Variants in PELI1 observed in about 807,000 individuals in gnomAD.
PELI1 encodes E3 ubiquitin-protein ligase pellino homolog 1.
Under a neutral mutation model 41.3 loss-of-function variants are expected in PELI1, and 15 were observed. The ratio of observed to expected loss-of-function variants is 0.36; its 90% CI spans 0.24 to 0.56. The LOEUF (loss-of-function observed/expected upper bound fraction) is 0.56, where lower values mean the gene tolerates loss of function less well. PELI1 is among the 20% of genes least tolerant of loss of function. The pLI is 0.82. For synonymous variants in PELI1, 178 were observed against 180.1 expected (o/e 0.99, Z 0.09); for missense variants, 403 against 525.5 (o/e 0.77, Z 2.28).
At chr2:64,124,064 T>C (rs1310452576) in intron 1 of PELI1, among the ~76,000 whole-genome samples, 1 of 152,156 alleles carries the variant, frequency 6.6e-6, no homozygotes, top group East Asian at 1.9e-4. Flanking sequence ...TATGATTCCA[T>C]TTATATGAAA....
chr2:64,099,165 T>TACACAC (rs70965174), intron 4 of PELI1, among the ~76,000 whole-genome samples: 11,228 of 144,788 alleles, frequency 0.078, 491 homozygotes, highest in Non-Finnish European at 0.099. Flanking sequence ...ATCTTGGAGA[T>TACACAC]ACACACACAC....
intron 1 of PELI1, among the ~76,000 whole-genome samples, chr2:64,119,885 GCAACACTC>G (rs1487689573): frequency 6.6e-6 from 1 of 151,914 alleles, no homozygotes; most frequent in Non-Finnish European, 1.5e-5. Context: ...AATCTGTTAA[GCAACACTC>G]CATTTAAAAA....
intron 3 of PELI1, among the ~76,000 whole-genome samples, chr2:64,102,100 C>T (rs1177797722): frequency 1.3e-5 from 2 of 152,112 alleles, no homozygotes; most frequent in African/African-American, 2.4e-5. Flanking sequence ...GCTGGGATTA[C>T]AGGCGTGAGC....
chr2:64,102,397 T>C (rs1315907618), intron 3 of PELI1, among the ~76,000 whole-genome samples: 1 of 152,148 alleles, frequency 6.6e-6, no homozygotes, highest in Non-Finnish European at 1.5e-5. Context: ...GGTTTCGCTA[T>C]GTGGCAGAGG....
intron 1 of PELI1, among the ~76,000 whole-genome samples, chr2:64,126,912 C>G (rs564490201): frequency 2.4e-4 from 36 of 152,116 alleles, no homozygotes; most frequent in African/African-American, 6.5e-4. Flanking sequence ...AGTAGGTTCC[C>G]TGGAGTTTGG....
intron 3 of PELI1, among the ~76,000 whole-genome samples, chr2:64,101,913 C>T (rs1014049551): frequency 2.6e-5 from 4 of 150,976 alleles, no homozygotes; most frequent in Admixed American, 6.6e-5. Context: ...CTGTAACCTC[C>T]GCCTCCCAGG....
intron 1 of PELI1, among the ~76,000 whole-genome samples, chr2:64,139,575 G>C (rs562909443): frequency 6.6e-6 from 1 of 152,300 alleles, no homozygotes; most frequent in South Asian, 2.1e-4. Flanking sequence ...GATTACAGGT[G>C]TCAGCAACTG....
In PELI1 at chr2:64,125,271, G is replaced by A. The variant is rs1368059954; in HGVS notation, c.-69-16892C>T. Among the ~76,000 whole-genome samples the A allele has an allele frequency of 5.9e-5, 9 of 152,066 alleles. No individual in the cohort carries two copies. The East Asian group carries it at 1.3e-3, about 23-fold the overall frequency. On this transcript the variant is annotated intron_variant, in intron 1 of 6. Coordinates refer to ENST00000358912, the MANE Select transcript of PELI1 (RefSeq NM_020651.4). ...CTCTTAATTTCTTGGTCCTTCTGGCGACCAGCCCCATCCTGATGCCATCTC... is the reference window on the plus strand; with the variant it reads ...CTCTTAATTTCTTGGTCCTTCTGGCAACCAGCCCCATCCTGATGCCATCTC...
chr2:64,117,808 C>T (rs1007986915), intron 1 of PELI1, among the ~76,000 whole-genome samples: 1 of 151,770 alleles, frequency 6.6e-6, no homozygotes, highest in African/African-American at 2.4e-5. Context: ...TAATGTTTTC[C>T]CAATAATTTT....
rs148626570 is a variant in PELI1, at chr2:64,120,457, A to G, written c.-69-12078T>C. Among the ~76,000 whole-genome samples the G allele has an allele frequency of 1.5e-3, 229 of 152,402 alleles. 1 individual carries two copies. Among genetic ancestry groups the G allele is most frequent in the African/African-American group, 5.1e-3 (213 of 41,604 alleles). On this transcript the variant is annotated intron_variant, in intron 1 of 6. Transcript: ENST00000358912. ...TTCATACTTGTTCAATAATTTGCCC[A>G]TGCAAATCATCGATAATCTCCACCC...
chr2:64,116,162 G>T (rs972833345), intron 1 of PELI1, among the ~76,000 whole-genome samples: 2 of 152,148 alleles, frequency 1.3e-5, no homozygotes, highest in Admixed American at 6.5e-5. Context: ...GATTGTGGAA[G>T]GAGAGCTGTT....
intron 1 of PELI1, among the ~76,000 whole-genome samples, chr2:64,136,444 A>C (rs1681719778): frequency 6.6e-6 from 1 of 152,222 alleles, no homozygotes. Context: ...TGAATTAAAG[A>C]ACTAGATTCC....
At chr2:64,136,785 C>G (rs1307647407) in intron 1 of PELI1, among the ~76,000 whole-genome samples, 1 of 152,104 alleles carries the variant, frequency 6.6e-6, no homozygotes, top group Non-Finnish European at 1.5e-5. Context: ...CGCCTATAAT[C>G]CCAGCTACTT....
chr2:64,098,503 G>A (rs60338887), intron 4 of PELI1, among the ~76,000 whole-genome samples: 6,259 of 152,030 alleles, frequency 0.041, 146 homozygotes, highest in African/African-American at 0.073. Context: ...CTTTTCTACC[G>A]GTTGCTGGCA....
At chr2:64,113,884 T>C (rs752542125) in intron 1 of PELI1, among the ~76,000 whole-genome samples, 2 of 152,096 alleles carry the variant, frequency 1.3e-5, no homozygotes, top group Non-Finnish European at 2.9e-5. Context: ...TCTTTGTCTC[T>C]CAACCTAACA....
intron 4 of PELI1, among the ~76,000 whole-genome samples, chr2:64,099,674 T>A (rs1680358865): frequency 6.6e-6 from 1 of 152,206 alleles, no homozygotes; most frequent in Admixed American, 6.5e-5. Flanking sequence ...ACAATAATTA[T>A]AAAAGCAACA....
At chr2:64,105,085 AT>A (rs75119641) in intron 2 of PELI1, among the ~76,000 whole-genome samples, 14,212 of 151,966 alleles carry the variant, frequency 0.094, 864 homozygotes, top group South Asian at 0.16. Flanking sequence ...TGTTATCTCT[AT>A]TTTTTTCCTT....
chr2:64,094,965 C>T lies in PELI1; in HGVS notation c.994G>A (p.Glu332Lys). The change falls in exon 7 of 7, where the codon GAA becomes AAA. Residue 332 changes from glutamate to lysine, a missense_variant. Transcript: ENST00000358912. ...CCAACAGACCTACACATAGGACATTCACGATCTTTTCCATCACGTTCTTCT... is the reference window on the plus strand; with the variant it reads ...CCAACAGACCTACACATAGGACATTTACGATCTTTTCCATCACGTTCTTCT... ...NKEERDGKDR[E>K]CPMCRSVGPY... is the part of the protein sequence containing the mutation. 1 of 1,614,234 alleles carries T rather than the reference C, an allele frequency of 6.2e-7. No homozygotes were observed. The highest frequency in any genetic ancestry group is 8.5e-7 in the Non-Finnish European group (1 of 1,180,048).
intron 1 of PELI1, among the ~76,000 whole-genome samples, chr2:64,124,433 G>T (rs899902619): frequency 2.6e-5 from 4 of 152,086 alleles, no homozygotes; most frequent in African/African-American, 4.8e-5. Context: ...ATATATTACC[G>T]ATCTTATGCA....
Sources: gnomAD v4.1 joint callset for allele counts (sites outside exome capture counted in the v4.1 genomes callset) on GRCh38, gnomAD v4.1.1 for gene constraint, MANE v1.5 for transcripts, NCBI Gene and HGNC (gene_info 2026-07-23, HGNC 2026-07-21) for gene names.